The following SBK1 variants were observed in gnomAD, a reference collection of about 807,000 sequenced individuals.
The protein encoded by SBK1 is SH3 domain binding kinase 1, also known as serine/threonine-protein kinase SBK1.
A neutral mutation model predicts 24.4 loss-of-function variants in SBK1; 11 were observed. That is an observed-to-expected ratio of 0.45 (90% CI 0.28 to 0.75). The LOEUF is 0.75. Among genes scored for constraint, SBK1 ranks in the 30% least tolerant of loss-of-function variants. The probability of loss-of-function intolerance (pLI) is 0.12; values close to 1 mark genes in which losing one functional copy is unlikely to be tolerated. For synonymous variants in SBK1, 308 were observed against 284.4 expected (o/e 1.08, Z -0.83); for missense variants, 467 against 620.5 (o/e 0.75, Z 2.63).
upstream of SBK1, chr16:28,290,741 A>G (rs2141574095): frequency 6.6e-6 from 1 of 152,224 alleles, no homozygotes; most frequent in South Asian, 2.1e-4. Context: ...AGAAAAGAAA[A>G]GAGAAAAAAG....
chr16:28,310,027 C>G (rs987530494), intron 1 of SBK1, among the ~76,000 whole-genome samples: 3 of 152,218 alleles, frequency 2.0e-5, no homozygotes, highest in Non-Finnish European at 4.4e-5. Flanking sequence ...GTGGGCGGCT[C>G]AGTCTTGCTT....
chr16:28,320,666 C>A lies in SBK1; in HGVS notation c.1020C>A (p.Ala340=). The part of the protein sequence containing the change: ...RKPPGDRPPA[A]GPLRLEAPGP... ...CCCCCGGGGACCGCCCGCCCGCCGC[C>A]GGGCCACTGCGCCTCGAGGCGCCTG... Residue 340 remains alanine, a synonymous_variant, in exon 4 of 4, where the codon GCC becomes GCA. Coordinates refer to ENST00000341901, the MANE Select transcript of SBK1 (RefSeq NM_001024401.3). The surrounding 1 kb of genome is among the most constrained non-coding windows in gnomAD (Gnocchi z 8.5). 1 of 1,084,940 alleles carries A rather than the reference C, an allele frequency of 9.2e-7. No homozygotes were observed. The highest frequency in any genetic ancestry group is 1.1e-6 in the Non-Finnish European group (1 of 894,058). The allele number at this position is 1,084,940 out of a possible 1,614,324, so 67.2% of individuals were successfully genotyped here.
intron 1 of SBK1, among the ~76,000 whole-genome samples, chr16:28,310,954 C>T (rs1013354408): frequency 2.0e-5 from 3 of 152,172 alleles, no homozygotes; most frequent in East Asian, 1.9e-4. Context: ...ACGCCACGTG[C>T]GCCGGAACTG....
At position 28,319,302 on chromosome 16, in the gene SBK1, C is replaced by T. The variant is rs111953071; in HGVS notation, c.429+105C>T. ...TTAATTAACAAGTATTTACTGGGTGCCTGCTGTATGTCAGTTACCATTTGG... is the reference window on the plus strand; with the variant it reads ...TTAATTAACAAGTATTTACTGGGTGTCTGCTGTATGTCAGTTACCATTTGG... On this transcript the variant is annotated intron_variant, in intron 3 of 3. Coordinates refer to ENST00000341901, the MANE Select transcript of SBK1 (RefSeq NM_001024401.3). The surrounding 1 kb of genome is among the most constrained non-coding windows in gnomAD (Gnocchi z 4.0). 1 of 849,556 alleles carries T rather than the reference C, an allele frequency of 1.2e-6. No homozygotes were observed. The allele number at this position is 849,556 out of a possible 1,614,324, so 52.6% of individuals were successfully genotyped here.
intron 1 of SBK1, among the ~76,000 whole-genome samples, chr16:28,311,491 A>C (rs543151909): frequency 2.0e-5 from 3 of 152,106 alleles, no homozygotes; most frequent in Admixed American, 2.0e-4. Flanking sequence ...TGAGGCTAGG[A>C]GTTTAAAAGC....
chr16:28,313,301 A>AT (rs1201564134), intron 1 of SBK1, among the ~76,000 whole-genome samples: 2 of 151,258 alleles, frequency 1.3e-5, no homozygotes, highest in African/African-American at 4.9e-5. Context: ...TTTAAAAAAA[A>AT]TTTAATTTAA....
chr16:28,271,939 T>C lies in SBK1; in HGVS notation c.257+12437T>C, dbSNP rs73533406. ...GCAGAAAATATCAAGTGCTCCTTGG[T>C]ATTTACCCAAATAAGTTGAAAATTT... On this transcript the variant is annotated intron_variant, in intron 1 of 3. Transcript: ENST00000671413. Among the ~76,000 whole-genome samples, 1,301 of 152,326 alleles carry C rather than the reference T, an allele frequency of 8.5e-3. 13 individuals carry two copies. The highest frequency in any genetic ancestry group is 0.028 in the African/African-American group (1,174 of 41,582).
chr16:28,282,880 G>A (rs2044541827), intron 1 of SBK1, among the ~76,000 whole-genome samples: 1 of 152,078 alleles, frequency 6.6e-6, no homozygotes, highest in African/African-American at 2.4e-5. Flanking sequence ...ATGGGACAGA[G>A]GAGACGGTGT....
At position 28,319,546 on chromosome 16, in the gene SBK1, G is replaced by C. The variant is rs567962129; in HGVS notation, c.429+349G>C. 6.6e-6 allele frequency among the ~76,000 whole-genome samples: 1 copy of C among 152,252 alleles called. No individual in the cohort carries two copies. The highest frequency in any genetic ancestry group is 2.1e-4 in the South Asian group (1 of 4,826). ...CCTCAGAGGAAGCGACCCTGGAACCGGGACGGTGGGGGAGGGTTCCAGGCA... is the reference window on the plus strand; with the variant it reads ...CCTCAGAGGAAGCGACCCTGGAACCCGGACGGTGGGGGAGGGTTCCAGGCA... On this transcript the variant is annotated intron_variant, in intron 3 of 3. Transcript: ENST00000341901. This position sits in a 1 kb window ranked among gnomAD's most constrained non-coding sequence, Gnocchi z 4.0.
chr16:28,302,677 A>T (rs188844587), intron 1 of SBK1, among the ~76,000 whole-genome samples: 77 of 152,280 alleles, frequency 5.1e-4, no homozygotes, highest in Non-Finnish European at 8.5e-4. Flanking sequence ...ACCCGGTAGG[A>T]ATTTTCATGC....
At chr16:28,296,440 G>C (rs1456461157) in intron 1 of SBK1, among the ~76,000 whole-genome samples, 2 of 151,964 alleles carry the variant, frequency 1.3e-5, no homozygotes, top group African/African-American at 2.4e-5. Context: ...GTTTCACCAT[G>C]TTGGCCAGAC....
intron 1 of SBK1, among the ~76,000 whole-genome samples, chr16:28,280,374 T>G: frequency 6.8e-6 from 1 of 147,918 alleles, no homozygotes; most frequent in East Asian, 2.0e-4. Flanking sequence ...TATTTGTTTG[T>G]TTCAGAGATG....
Position 28,293,297 on chromosome 16 carries a change from C to G in SBK1, c.-11C>G, listed in dbSNP as rs1238961015. 1 of 985,220 alleles carries G rather than the reference C, an allele frequency of 1.0e-6. No individual in the cohort carries two copies. The highest frequency in any genetic ancestry group is 1.2e-6 in the Non-Finnish European group (1 of 829,842). The allele number at this position is 985,220 out of a possible 1,614,324, so 61.0% of individuals were successfully genotyped here. A position where few individuals can be genotyped will look rare whatever the true frequency, so the allele number is the denominator to read the frequency against. On this transcript the variant is annotated 5_prime_UTR_variant, in exon 1 of 4. Coordinates refer to ENST00000341901, the MANE Select transcript of SBK1 (RefSeq NM_001024401.3). Reference sequence around the variant, plus strand: ...GCCGCGGCGTCCCCGCGGCCCCAGCCCAGGTAAGCCGGGCCCAGGTGAGGG... The same window carrying G: ...GCCGCGGCGTCCCCGCGGCCCCAGCGCAGGTAAGCCGGGCCCAGGTGAGGG...
At chr16:28,301,654 A>C (rs1567676981) in intron 1 of SBK1, among the ~76,000 whole-genome samples, 1 of 152,198 alleles carries the variant, frequency 6.6e-6, no homozygotes. Flanking sequence ...AGCATAGCCA[A>C]ATGGCCTCCA....
intron 1 of SBK1, chr16:28,286,452 A>C (rs1253629921): frequency 1.3e-5 from 2 of 152,168 alleles, no homozygotes; most frequent in African/African-American, 4.8e-5. Context: ...AGGCTGGTGG[A>C]TCACCTGAGG....
At chr16:28,308,389 G>GATCT (rs1419085634) in intron 1 of SBK1, among the ~76,000 whole-genome samples, 1 of 140,850 alleles carries the variant, frequency 7.1e-6, no homozygotes, top group South Asian at 2.5e-4. Flanking sequence ...GATCTCAAGT[G>GATCT]ATCTGCCTGC....
At chr16:28,310,646 C>A (rs2044747847) in intron 1 of SBK1, among the ~76,000 whole-genome samples, 1 of 152,148 alleles carries the variant, frequency 6.6e-6, no homozygotes, top group African/African-American at 2.4e-5. Context: ...GAATTGGAGA[C>A]CAGCCAGGGC....
intron 1 of SBK1, among the ~76,000 whole-genome samples, chr16:28,311,514 A>G (rs919444689): frequency 2.0e-5 from 3 of 152,138 alleles, no homozygotes; most frequent in East Asian, 1.9e-4. Context: ...CCTGGGCAAC[A>G]TAGCGAGACC....
Position 28,321,825 on chromosome 16 carries a change from C to T in SBK1, c.*904C>T, listed in dbSNP as rs2044851211. 6.6e-6 allele frequency: 1 copy of T among 152,374 alleles called. No homozygotes were observed. Among genetic ancestry groups the T allele is most frequent in the Non-Finnish European group, 1.5e-5 (1 of 68,230 alleles). The allele number at this position is 152,374 out of a possible 1,614,324, so 9.4% of individuals were successfully genotyped here. A position where few individuals can be genotyped will look rare whatever the true frequency, so the allele number is the denominator to read the frequency against. On this transcript the variant is annotated 3_prime_UTR_variant, in exon 4 of 4. Transcript: ENST00000341901. Reference sequence around the variant, plus strand: ...GTTAGTGTGGAGCCGAGAGCAGGTCCCAGCTCCCCCTGCCAGCCGCACTGT... The same window carrying T: ...GTTAGTGTGGAGCCGAGAGCAGGTCTCAGCTCCCCCTGCCAGCCGCACTGT...
Sources: gnomAD v4.1 joint callset for allele counts (sites outside exome capture counted in the v4.1 genomes callset) on GRCh38, gnomAD v4.1.1 for gene constraint, Gnocchi (gnomAD v3.1) non-coding constraint, MANE v1.5 for transcripts, NCBI Gene and HGNC (gene_info 2026-07-23, HGNC 2026-07-21) for gene names.